The following AGO3 variants were observed in gnomAD, a reference collection of about 807,000 sequenced individuals.
AGO3 encodes protein argonaute-3.
Under a neutral mutation model 105.5 loss-of-function variants are expected in AGO3, and 16 were observed. The observed-to-expected ratio is 0.15, with a 90% CI of 0.10 to 0.23. The LOEUF is 0.23. AGO3 is among the 10% of genes least tolerant of loss of function. The pLI, the probability that AGO3 is intolerant of heterozygous loss-of-function variation, is 1.00. For missense variants in AGO3, 534 were observed against 1,088.0 expected (o/e 0.49, Z 7.16); for synonymous variants, 340 against 367.3 (o/e 0.93, Z 0.85).
intron 2 of AGO3, among the ~76,000 whole-genome samples, chr1:35,959,111 C>G (rs1329258406): frequency 6.6e-6 from 1 of 152,120 alleles, no homozygotes; most frequent in Non-Finnish European, 1.5e-5. Flanking sequence ...AATTTGCTCT[C>G]CTCTTTTTTA....
intron 11 of AGO3, among the ~76,000 whole-genome samples, chr1:36,020,505 C>T (rs1641159957): frequency 6.6e-6 from 1 of 152,198 alleles, no homozygotes; most frequent in African/African-American, 2.4e-5. Flanking sequence ...AACCTATCTT[C>T]AGGAGTGCTT....
At chr1:35,958,195 A>C (rs1646607394) in intron 2 of AGO3, among the ~76,000 whole-genome samples, 1 of 152,066 alleles carries the variant, frequency 6.6e-6, no homozygotes, top group East Asian at 1.9e-4. Context: ...AGCCTGGCCA[A>C]CATGGTGAAA....
chr1:36,005,774 G>A (rs1029823417), intron 6 of AGO3: 4 of 985,328 alleles, frequency 4.1e-6, no homozygotes, highest in Non-Finnish European at 4.8e-6. Flanking sequence ...GCATGGACTC[G>A]ATCTTAACTT....
intron 1 of AGO3, among the ~76,000 whole-genome samples, chr1:35,938,596 A>G (rs1326011625): frequency 2.0e-5 from 3 of 152,126 alleles, no homozygotes; most frequent in South Asian, 2.1e-4. Context: ...TTTTATCTGT[A>G]TATTGATCAG....
intron 17 of AGO3, among the ~76,000 whole-genome samples, chr1:36,047,801 C>T (rs1642537940): frequency 6.6e-6 from 1 of 151,998 alleles, no homozygotes; most frequent in African/African-American, 2.4e-5. Context: ...ATCACTTGAG[C>T]CGGGGAGGTT....
In AGO3 at chr1:35,959,990, T is replaced by G. The variant is rs76222582; in HGVS notation, c.192-6965T>G. 6.6e-3 allele frequency among the ~76,000 whole-genome samples: 1,012 copies of G among 152,198 alleles called. 8 individuals are homozygous for G. The highest frequency in any genetic ancestry group is 0.023 in the African/African-American group (961 of 41,562). On this transcript the variant is annotated intron_variant, in intron 2 of 18. Transcript: ENST00000373191. Reference sequence around the variant, plus strand: ...ATCTCATTTTTATTGATAAAGAAACTCAAGTCAGAGAAGTTAAATAACTTT... The same window carrying G: ...ATCTCATTTTTATTGATAAAGAAACGCAAGTCAGAGAAGTTAAATAACTTT...
intron 2 of AGO3, among the ~76,000 whole-genome samples, chr1:35,958,577 C>G (rs978728837): frequency 6.6e-6 from 1 of 151,496 alleles, no homozygotes; most frequent in African/African-American, 2.4e-5. Flanking sequence ...AGGAGAATGG[C>G]TTGAGGCAGA....
chr1:35,948,628 A>G (rs952476973), intron 2 of AGO3, among the ~76,000 whole-genome samples: 6 of 152,154 alleles, frequency 3.9e-5, no homozygotes, highest in African/African-American at 1.4e-4. Context: ...TGTGTATTAT[A>G]TATGTGTAAT....
intron 5 of AGO3, among the ~76,000 whole-genome samples, chr1:35,988,847 A>G (rs561397194): frequency 6.6e-6 from 1 of 151,354 alleles, no homozygotes; most frequent in South Asian, 2.1e-4. Flanking sequence ...TTTTTGAGGA[A>G]CCTCCATACT....
rs548876574 is a variant in AGO3 at position 36,063,656 on chromosome 1, T to A, written c.*7911T>A. ...GTATAAAGACTGATTAATAGAGTAC[T>A]TCAGCTAATTAAAAATTTAAATAGT... On this transcript the variant is annotated 3_prime_UTR_variant, in exon 19 of 19. Transcript: ENST00000373191. 1.3e-5 allele frequency: 2 copies of A among 152,304 alleles called. No individual in the cohort carries two copies. The highest frequency in any genetic ancestry group is 4.1e-4 in the South Asian group (2 of 4,832). The allele number at this position is 152,304 out of a possible 1,614,324, so 9.4% of individuals were successfully genotyped here. A position where few individuals can be genotyped will look rare whatever the true frequency, so the allele number is the denominator to read the frequency against.
chr1:35,980,831 GTTTTC>G (rs1647038888), intron 5 of AGO3, among the ~76,000 whole-genome samples: 1 of 152,048 alleles, frequency 6.6e-6, no homozygotes, highest in Admixed American at 6.5e-5. Context: ...ATTACTAGAT[GTTTTC>G]TTAGTTGACC....
At chr1:35,946,465 A>G (rs1350577720) in intron 2 of AGO3, among the ~76,000 whole-genome samples, 1 of 152,190 alleles carries the variant, frequency 6.6e-6, no homozygotes, top group African/African-American at 2.4e-5. Context: ...TTATGATTGG[A>G]TATATACTAT....
rs1642170233 is a variant in AGO3 at position 36,039,737 on chromosome 1, A to G, written c.1843-53A>G. ...TGTAAATGAAATTCATGTAATTTTG[A>G]TTATCATTTATTTTTATTTATTTAT... On this transcript the variant is annotated intron_variant, in intron 14 of 18. Transcript: ENST00000373191. 7.1e-6 allele frequency: 8 copies of G among 1,120,620 alleles called. No homozygotes were observed. In the East Asian group the frequency reaches 2.4e-4, roughly 34 times the overall value. The allele number at this position is 1,120,620 out of a possible 1,614,324, so 69.4% of individuals were successfully genotyped here. A position where few individuals can be genotyped will look rare whatever the true frequency, so the allele number is the denominator to read the frequency against.
rs1373982822 is a variant in AGO3 at position 36,055,163 on chromosome 1, CA to C, written c.2474+19del. ...CATGACAGGTAATATAAAAGCATAA[CA>C]GGTTCTCACCCAAATCCCAATATTG... is the stretch of plus-strand genomic sequence containing the variant. On this transcript the variant is annotated intron_variant, in intron 18 of 18. Transcript: ENST00000373191. This position sits in a 1 kb window ranked among gnomAD's most constrained non-coding sequence, Gnocchi z 4.4. 3 of 1,567,282 alleles carry C rather than the reference CA, an allele frequency of 1.9e-6. No individual in the cohort carries two copies. Among genetic ancestry groups the C allele is most frequent in the Non-Finnish European group, 2.6e-6 (3 of 1,154,490 alleles).
chr1:35,934,523 G>A (rs1392911202), intron 1 of AGO3, among the ~76,000 whole-genome samples: 1 of 152,142 alleles, frequency 6.6e-6, no homozygotes, highest in Non-Finnish European at 1.5e-5. Flanking sequence ...GCATATATGG[G>A]AAGCTAGAAC....
intron 2 of AGO3, among the ~76,000 whole-genome samples, chr1:35,965,635 C>T (rs1027306083): frequency 6.6e-6 from 1 of 151,620 alleles, no homozygotes; most frequent in African/African-American, 2.4e-5. Context: ...GTAAAATTTA[C>T]TCTAGAAGAG....
At chr1:36,049,072 C>G (rs1370118507) in intron 17 of AGO3, among the ~76,000 whole-genome samples, 1 of 152,192 alleles carries the variant, frequency 6.6e-6, no homozygotes, top group Non-Finnish European at 1.5e-5. Flanking sequence ...AGCTGAAGGT[C>G]ATAATCCTAA....
At chr1:35,965,846 A>G (rs1646764142) in intron 2 of AGO3, among the ~76,000 whole-genome samples, 1 of 128,624 alleles carries the variant, frequency 7.8e-6, no homozygotes. Context: ...TTTTTTTGAG[A>G]CAGAGTTTTG....
intron 4 of AGO3, 66 bp downstream of exon 4, chr1:35,972,298 C>T: frequency 6.7e-6 from 10 of 1,500,466 alleles, no homozygotes; most frequent in Non-Finnish European, 9.2e-6. Flanking sequence ...GCAGGCTTCC[C>T]TTGGTTAAAC....
Sources: allele counts gnomAD v4.1 joint callset (sites outside exome capture counted in the v4.1 genomes callset), GRCh38; gene constraint gnomAD v4.1.1; non-coding constraint Gnocchi (gnomAD v3.1); transcripts MANE v1.5; gene names NCBI Gene and HGNC (gene_info 2026-07-23, HGNC 2026-07-21).